Variants in CDK19 observed in about 807,000 individuals in gnomAD.
The protein encoded by CDK19 is cyclin dependent kinase 19, also known as cyclin-dependent kinase 19.
Under a neutral mutation model 68.3 loss-of-function variants are expected in CDK19, and 20 were observed. That is an observed-to-expected ratio of 0.29 (90% CI 0.21 to 0.43). CDK19 has a LOEUF of 0.43. CDK19 is among the 20% of genes least tolerant of loss of function. The probability of loss-of-function intolerance (pLI) is 1.00; values close to 1 mark genes in which losing one functional copy is unlikely to be tolerated. For synonymous variants in CDK19, 221 were observed against 222.8 expected, an observed-to-expected ratio of 0.99 and a Z score of 0.07; for missense variants, 339 against 623.5, an observed-to-expected ratio of 0.54 and a Z score of 4.86.
At chr6:110,632,789 G>A (rs1042245879) in intron 5 of CDK19, among the ~76,000 whole-genome samples, 62 of 152,148 alleles carry the variant, frequency 4.1e-4, no homozygotes, top group African/African-American at 1.4e-3. Flanking sequence ...TAAGTGCAGA[G>A]GCAGAATTAG....
chr6:110,677,693 C>A (rs1477103947), intron 2 of CDK19, among the ~76,000 whole-genome samples: 1 of 151,954 alleles, frequency 6.6e-6, no homozygotes, highest in African/African-American at 2.4e-5. Flanking sequence ...AAAGGTACCA[C>A]CCTTTGATTA....
chr6:110,627,182 C>T, intron 6 of CDK19, 37 bp from the exon 7 acceptor site: 1 of 1,520,432 alleles, frequency 6.6e-7, no homozygotes, highest in Non-Finnish European at 9.0e-7. Flanking sequence ...GTATATATTT[C>T]CTTGGTTATA....
In CDK19 at chr6:110,679,272, T is replaced by C. The variant is rs190079371; in HGVS notation, c.205-8731A>G. On this transcript the variant is annotated intron_variant, in intron 2 of 12. Coordinates refer to ENST00000368911, the MANE Select transcript of CDK19 (RefSeq NM_015076.5). ...TCAAGGCTGCAGTGAGTTATGATCG[T>C]ACCACTGCCCTCCAGCCTGGGTGAC... Among the ~76,000 whole-genome samples, 11 of 151,650 alleles carry C rather than the reference T, an allele frequency of 7.3e-5. No homozygotes were observed. The East Asian group carries it at 1.9e-3, about 27-fold the overall frequency.
At chr6:110,806,429 C>T (rs1230261482) in intron 1 of CDK19, among the ~76,000 whole-genome samples, 2 of 152,058 alleles carry the variant, frequency 1.3e-5, no homozygotes, top group Non-Finnish European at 2.9e-5. Context: ...ATATTTCTAT[C>T]TTATACATCA....
Position 110,667,555 on chromosome 6 carries a change from C to A in CDK19, c.335G>T (p.Arg112Leu). The A allele has an allele frequency of 6.5e-7, 1 of 1,546,920 alleles. No homozygotes were observed. Among genetic ancestry groups the A allele is most frequent in the Non-Finnish European group, 8.8e-7 (1 of 1,139,510 alleles). ...HDLWHIIKFH[R>L]ASKANKKPMQ... is the part of the protein sequence containing the mutation. ...GGGCTTTTTATTTGCTTTTGATGCA[C>A]GGTGAAACTTAATAATATGCTAAAA... Residue 112 changes from arginine (R) to leucine (L), a missense_variant, in exon 4 of 13, where the codon CGT becomes CTT. Physicochemically the swap from Arg to Leu is moderately radical, Grantham distance 102. This residue lies in a region of CDK19 where 120 missense variants were observed against 224.0 expected (regional missense o/e 0.54). Transcript: ENST00000368911.
At chr6:110,775,641 G>C (rs919938285) in intron 1 of CDK19, among the ~76,000 whole-genome samples, 3 of 152,102 alleles carry the variant, frequency 2.0e-5, no homozygotes, top group African/African-American at 7.2e-5. Context: ...TTAGATCTCA[G>C]ATTTTATTTC....
chr6:110,789,762 A>T (rs1781468814), intron 1 of CDK19, among the ~76,000 whole-genome samples: 1 of 152,208 alleles, frequency 6.6e-6, no homozygotes, highest in Non-Finnish European at 1.5e-5. Flanking sequence ...AGTAAATGAT[A>T]AAATAGACTA....
chr6:110,680,118 G>A (rs1285881934), intron 2 of CDK19, among the ~76,000 whole-genome samples: 2 of 152,124 alleles, frequency 1.3e-5, no homozygotes, highest in African/African-American at 4.8e-5. Context: ...TTCCAGGGAC[G>A]CTAAGCCTCC....
intron 4 of CDK19, chr6:110,643,193 A>C (rs1237445683): frequency 1.6e-6 from 2 of 1,288,158 alleles, no homozygotes. Flanking sequence ...ACACTTACCA[A>C]CTTAGGCCTG....
chr6:110,629,082 C>T (rs1779278223), intron 6 of CDK19, among the ~76,000 whole-genome samples: 1 of 152,158 alleles, frequency 6.6e-6, no homozygotes, highest in South Asian at 2.1e-4. Context: ...TCATTACCAC[C>T]TCTACTATGC....
intron 1 of CDK19, among the ~76,000 whole-genome samples, chr6:110,804,483 C>T (rs1782541999): frequency 6.6e-6 from 1 of 151,776 alleles, no homozygotes; most frequent in Admixed American, 6.5e-5. Context: ...GCTGGGACTA[C>T]TCAGGGTAGG....
intron 2 of CDK19, among the ~76,000 whole-genome samples, chr6:110,744,256 C>CT (rs1036819355): frequency 1.3e-5 from 2 of 152,062 alleles, no homozygotes; most frequent in Non-Finnish European, 2.9e-5. Flanking sequence ...ATCCACCCCC[C>CT]CAACAGCCTC....
At chr6:110,636,245 T>G (rs1420877801) in intron 5 of CDK19, among the ~76,000 whole-genome samples, 2 of 152,164 alleles carry the variant, frequency 1.3e-5, no homozygotes, top group Non-Finnish European at 2.9e-5. Flanking sequence ...GATATCCAAA[T>G]AGAAATAAAG....
chr6:110,629,681 T>C (rs1390271399), intron 6 of CDK19, among the ~76,000 whole-genome samples: 2 of 152,182 alleles, frequency 1.3e-5, no homozygotes, highest in Admixed American at 6.5e-5. Context: ...ACATGGACCA[T>C]GTATGGAGAA....
At chr6:110,802,443 G>GC (rs1226565131) in intron 1 of CDK19, among the ~76,000 whole-genome samples, 8 of 152,136 alleles carry the variant, frequency 5.3e-5, no homozygotes, top group African/African-American at 1.9e-4. Context: ...ATTAAATACC[G>GC]CATGTCCTCA....
intron 2 of CDK19, among the ~76,000 whole-genome samples, chr6:110,742,397 T>C (rs1054426537): frequency 2.6e-5 from 4 of 152,184 alleles, no homozygotes; most frequent in African/African-American, 9.7e-5. Context: ...ACAAATAGAT[T>C]GTAAAACGTG....
intron 1 of CDK19, among the ~76,000 whole-genome samples, chr6:110,808,509 A>G (rs1230554163): frequency 6.6e-6 from 1 of 152,220 alleles, no homozygotes; most frequent in African/African-American, 2.4e-5. Flanking sequence ...AGAGACAGTA[A>G]AGCCCAAAAG....
chr6:110,804,869 T>C (rs2115128141), intron 1 of CDK19, among the ~76,000 whole-genome samples: 1 of 151,396 alleles, frequency 6.6e-6, no homozygotes, highest in East Asian at 2.0e-4. Context: ...GGCAGTAGAA[T>C]GGCGTGAACC....
At position 110,667,658 on chromosome 6, in the gene CDK19, C is replaced by T. The variant is rs138817462; in HGVS notation, c.316-84G>A. ...CACAATCAATGCTGTAACAAATGCT[C>T]TATATTTTAAAATTACTTATTAAAG... On this transcript the variant is annotated intron_variant, in intron 3 of 12. Coordinates refer to ENST00000368911, the MANE Select transcript of CDK19 (RefSeq NM_015076.5). 870 of 648,748 alleles carry T rather than the reference C, an allele frequency of 1.3e-3. 12 individuals carry two copies. The East Asian group carries it at 0.026, about 19-fold the overall frequency. The allele number at this position is 648,748 out of a possible 1,614,324, so 40.2% of individuals were successfully genotyped here. A position where few individuals can be genotyped will look rare whatever the true frequency, so the allele number is the denominator to read the frequency against.
Sources: allele counts gnomAD v4.1 joint callset (sites outside exome capture counted in the v4.1 genomes callset), GRCh38; gene constraint gnomAD v4.1.1; regional missense constraint gnomAD v4.1.1; transcripts MANE v1.5; gene names NCBI Gene and HGNC (gene_info 2026-07-23, HGNC 2026-07-21).